Variants in FSHR observed in about 807,000 individuals in gnomAD.
FSHR encodes the protein follicle stimulating hormone receptor.
A neutral mutation model predicts 52.1 loss-of-function variants in FSHR; 46 were observed. The observed-to-expected ratio is 0.88, with a 90% confidence interval of 0.70 to 1.13. The LOEUF is 1.13. FSHR is among the 50% of genes most tolerant of loss of function. FSHR has a pLI of 0.00. For missense variants in FSHR, 964 were observed against 834.6 expected (o/e 1.16, Z -1.91); for synonymous variants, 399 against 309.6 (o/e 1.29, Z -3.03).
chr2:49,010,643 G>A (rs1667235720), intron 4 of FSHR, among the ~76,000 whole-genome samples: 1 of 150,478 alleles, frequency 6.6e-6, no homozygotes, highest in Admixed American at 6.6e-5. Flanking sequence ...ATTCGGCTGT[G>A]AATCCATCTG....
intron 1 of FSHR, among the ~76,000 whole-genome samples, chr2:49,137,225 A>T (rs1672518320): frequency 6.6e-6 from 1 of 152,134 alleles, no homozygotes; most frequent in Admixed American, 6.6e-5. Flanking sequence ...TGAACAAATT[A>T]AAAATAAGAG....
At chr2:49,150,719 T>C (rs1434730497) in intron 1 of FSHR, among the ~76,000 whole-genome samples, 1 of 152,090 alleles carries the variant, frequency 6.6e-6, no homozygotes, top group Admixed American at 6.6e-5. Flanking sequence ...TGAGTGAACC[T>C]GCTCCCCTAG....
rs139280297 is a variant in FSHR at position 48,971,447 on chromosome 2, C to T, written c.669-2564G>A. 1.2e-3 allele frequency among the ~76,000 whole-genome samples: 186 copies of T among 152,336 alleles called. 1 individual carries two copies. Among genetic ancestry groups the T allele is most frequent in the African/African-American group, 4.3e-3 (178 of 41,592 alleles). Reference sequence around the variant, plus strand: ...CTGGACATCAGTAAGATGACTTCCTCATTTGTTCCTCAAGTCCTAGGGTTA... The same window carrying T: ...CTGGACATCAGTAAGATGACTTCCTTATTTGTTCCTCAAGTCCTAGGGTTA... On this transcript the variant is annotated intron_variant, in intron 8 of 9. Coordinates refer to ENST00000406846, the MANE Select transcript of FSHR (RefSeq NM_000145.4).
At chr2:48,975,175 A>T (rs1674931534) in intron 8 of FSHR, among the ~76,000 whole-genome samples, 1 of 152,082 alleles carries the variant, frequency 6.6e-6, no homozygotes, top group African/African-American at 2.4e-5. Flanking sequence ...GAATCCATGG[A>T]TTGAGTAAGG....
intron 1 of FSHR, among the ~76,000 whole-genome samples, chr2:49,078,742 C>T (rs1407626770): frequency 2.0e-5 from 3 of 151,806 alleles, no homozygotes; most frequent in Non-Finnish European, 4.4e-5. Context: ...AGGGGTAATT[C>T]GATTAAACAC....
At chr2:48,987,658 C>A (rs1559103576) in intron 6 of FSHR, among the ~76,000 whole-genome samples, 1 of 152,152 alleles carries the variant, frequency 6.6e-6, no homozygotes, top group Non-Finnish European at 1.5e-5. Flanking sequence ...AGCTTCCTTT[C>A]CCTTGTTTAA....
intron 1 of FSHR, among the ~76,000 whole-genome samples, chr2:49,085,683 T>C (rs1462637809): frequency 1.3e-5 from 2 of 152,162 alleles, no homozygotes; most frequent in Admixed American, 6.5e-5. Flanking sequence ...ATTGGGGCAC[T>C]ATTCACAATA....
At chr2:49,047,449 T>A (rs904552947) in intron 2 of FSHR, among the ~76,000 whole-genome samples, 2 of 152,244 alleles carry the variant, frequency 1.3e-5, no homozygotes, top group East Asian at 1.9e-4. Flanking sequence ...CTAATGTCAG[T>A]GTGCTTACAG....
rs970485784 is a variant in FSHR, at chr2:49,123,384, G to C, written c.152+30882C>G. Among the ~76,000 whole-genome samples the C allele has an allele frequency of 5.9e-5, 9 of 152,224 alleles. No homozygotes were observed. In the East Asian group the frequency reaches 7.7e-4, roughly 13 times the overall value. On this transcript the variant is annotated intron_variant, in intron 1 of 9. Transcript: ENST00000406846. ...CGCTGGTAGTACCAGCTACTAGGGA[G>C]GCTGAGGTAGGAGTATCGCTTGAGC...
intron 1 of FSHR, among the ~76,000 whole-genome samples, chr2:49,088,795 G>A (rs990866802): frequency 1.3e-4 from 20 of 152,166 alleles, no homozygotes; most frequent in African/African-American, 4.6e-4. Flanking sequence ...CTGACTGACA[G>A]TCACTGAGAA....
intron 3 of FSHR, among the ~76,000 whole-genome samples, chr2:49,018,761 G>C (rs2104215438): frequency 6.6e-6 from 1 of 152,176 alleles, no homozygotes; most frequent in East Asian, 1.9e-4. Flanking sequence ...AGGCAGAGTG[G>C]GTAGAAGGAA....
chr2:49,036,992 A>T (rs369204695), intron 2 of FSHR, among the ~76,000 whole-genome samples: 1 of 152,258 alleles, frequency 6.6e-6, no homozygotes, highest in African/African-American at 2.4e-5. Flanking sequence ...TTTAATTAGC[A>T]TAATGGCTGG....
chr2:49,007,308 C>T (rs139305496), intron 4 of FSHR, among the ~76,000 whole-genome samples: 2 of 152,242 alleles, frequency 1.3e-5, no homozygotes, highest in Non-Finnish European at 2.9e-5. Context: ...CAGCTTACAT[C>T]TCCTGTAAAA....
chr2:49,112,632 A>G (rs1421847571), intron 1 of FSHR, among the ~76,000 whole-genome samples: 8 of 152,190 alleles, frequency 5.3e-5, no homozygotes, highest in Admixed American at 5.2e-4. Context: ...CTTTGTGAGT[A>G]TATTAAAGAG....
intron 1 of FSHR, among the ~76,000 whole-genome samples, chr2:49,107,871 C>G (rs775401629): frequency 1.3e-5 from 2 of 152,130 alleles, no homozygotes; most frequent in Admixed American, 6.6e-5. Flanking sequence ...TCCTCCCAAC[C>G]CATGGCTTTC....
At position 49,058,683 on chromosome 2, in the gene FSHR, G is replaced by T. The variant is rs1669161783; in HGVS notation, c.224+9536C>A. Among the ~76,000 whole-genome samples, 3 of 150,918 alleles carry T rather than the reference G, an allele frequency of 2.0e-5. No individual in the cohort carries two copies. The South Asian group carries it at 6.3e-4, about 32-fold the overall frequency. ...ATAAACTACCTGAAAAAAAAATAAA[G>T]AAGCCCATTCCATTTACAAAAACTA... On this transcript the variant is annotated intron_variant, in intron 2 of 9. Coordinates refer to ENST00000406846, the MANE Select transcript of FSHR (RefSeq NM_000145.4).
chr2:49,056,238 A>G (rs1474831329), intron 2 of FSHR, among the ~76,000 whole-genome samples: 1 of 151,902 alleles, frequency 6.6e-6, no homozygotes, highest in African/African-American at 2.4e-5. Flanking sequence ...GCTGCCTACA[A>G]GAAACTTACT....
chr2:49,102,147 C>G (rs2103727400), intron 1 of FSHR, among the ~76,000 whole-genome samples: 1 of 152,182 alleles, frequency 6.6e-6, no homozygotes, highest in African/African-American at 2.4e-5. Context: ...ACATATAGTC[C>G]AGGATTATAC....
chr2:49,020,054 C>T (rs770152782), intron 3 of FSHR, 32 bp downstream of exon 3: 2 of 1,581,898 alleles, frequency 1.3e-6, no homozygotes, highest in African/African-American at 1.3e-5. Flanking sequence ...TCAAGAATGG[C>T]CATGAGCAAA....
Sources: gnomAD v4.1 joint callset for allele counts (sites outside exome capture counted in the v4.1 genomes callset) on GRCh38, gnomAD v4.1.1 for gene constraint, MANE v1.5 for transcripts, NCBI Gene and HGNC (gene_info 2026-07-23, HGNC 2026-07-21) for gene names.